The following MED12L variants were observed in gnomAD, a reference collection of about 807,000 sequenced individuals.
MED12L encodes the protein mediator complex subunit 12L, also known as mediator of RNA polymerase II transcription subunit 12-like protein.
MED12L carries 60 observed loss-of-function variants against 281.3 expected under a neutral mutation model. That is an observed-to-expected ratio of 0.21 (90% CI 0.17 to 0.26). MED12L has a LOEUF of 0.26. Ranked by LOEUF, MED12L falls within the 10% of genes least tolerant of loss-of-function variation. The pLI, the probability that MED12L is intolerant of heterozygous loss-of-function variation, is 1.00. For synonymous variants in MED12L, 974 were observed against 987.2 expected, an observed-to-expected ratio of 0.99 and a Z score of 0.25; for missense variants, 2,146 against 2,680.9, an observed-to-expected ratio of 0.80 and a Z score of 4.41.
chr3:151,368,689 TATTTCATTTCATTTCATTTC>T (rs1175917645), intron 25 of MED12L, among the ~76,000 whole-genome samples: 79 of 41,960 alleles, frequency 1.9e-3, no homozygotes, highest in African/African-American at 4.7e-3. Flanking sequence ...CATTTCATTT[TATTTCATTTCATTTCATTTC>T]ATTTCATTTC....
chr3:151,104,344 A>G (rs1311812073), intron 2 of MED12L, among the ~76,000 whole-genome samples: 1 of 152,202 alleles, frequency 6.6e-6, no homozygotes, highest in East Asian at 1.9e-4. Flanking sequence ...GCTTTCTCTT[A>G]TAAATATTTT....
chr3:151,400,152 A>G (rs1361239431), intron 39 of MED12L, among the ~76,000 whole-genome samples: 1 of 152,072 alleles, frequency 6.6e-6, no homozygotes, highest in African/African-American at 2.4e-5. Context: ...ACCCCTCACA[A>G]TATCGACATC....
At chr3:151,354,820 A>G (rs1560067958) in intron 17 of MED12L, among the ~76,000 whole-genome samples, 1 of 152,210 alleles carries the variant, frequency 6.6e-6, no homozygotes, top group Non-Finnish European at 1.5e-5. Flanking sequence ...TGTGGAAAGC[A>G]TATACTATAT....
chr3:151,307,121 A>T (rs748279164), intron 16 of MED12L, among the ~76,000 whole-genome samples: 3 of 152,216 alleles, frequency 2.0e-5, no homozygotes, highest in Non-Finnish European at 2.9e-5. Flanking sequence ...TGAAAGATAC[A>T]GGATCTCTTC....
intron 16 of MED12L, among the ~76,000 whole-genome samples, chr3:151,311,544 T>C (rs1747517562): frequency 6.6e-6 from 1 of 152,204 alleles, no homozygotes; most frequent in African/African-American, 2.4e-5. Context: ...TATAGGCATG[T>C]ACCGTTTTGA....
At chr3:151,287,410 G>C (rs1390511530) in intron 16 of MED12L, among the ~76,000 whole-genome samples, 1 of 152,166 alleles carries the variant, frequency 6.6e-6, no homozygotes, top group Non-Finnish European at 1.5e-5. Flanking sequence ...TCTGGGGGTG[G>C]AGTGGCAGGA....
chr3:151,257,353 T>A (rs908212554), intron 16 of MED12L, among the ~76,000 whole-genome samples: 2 of 152,238 alleles, frequency 1.3e-5, no homozygotes, highest in Admixed American at 1.3e-4. Flanking sequence ...TCCTGTTTTT[T>A]TAAATTGTTT....
intron 2 of MED12L, among the ~76,000 whole-genome samples, chr3:151,096,387 C>A (rs1720711398): frequency 6.6e-6 from 1 of 152,092 alleles, no homozygotes; most frequent in African/African-American, 2.4e-5. Flanking sequence ...GCCCCACACC[C>A]ACCCCCTTTT....
intron 16 of MED12L, among the ~76,000 whole-genome samples, chr3:151,253,915 G>A (rs1245595375): frequency 1.3e-5 from 2 of 151,810 alleles, no homozygotes; most frequent in Admixed American, 6.6e-5. Context: ...TAATCAGTGA[G>A]GACCTCCACT....
chr3:151,281,908 G>A (rs1312248215), intron 16 of MED12L, among the ~76,000 whole-genome samples: 1 of 152,188 alleles, frequency 6.6e-6, no homozygotes, highest in Non-Finnish European at 1.5e-5. Flanking sequence ...GTCTGTAACT[G>A]TTTCCAGTCA....
At chr3:151,339,748 C>T (rs1239681295) in intron 16 of MED12L, among the ~76,000 whole-genome samples, 1 of 151,134 alleles carries the variant, frequency 6.6e-6, no homozygotes, top group African/African-American at 2.4e-5. Context: ...GTAATGGTAG[C>T]TAAAATAAAA....
intron 16 of MED12L, among the ~76,000 whole-genome samples, chr3:151,252,228 T>C (rs1287496810): frequency 6.6e-6 from 1 of 152,188 alleles, no homozygotes; most frequent in Non-Finnish European, 1.5e-5. Context: ...CAACTAATAA[T>C]TTATTAGTAA....
rs1294228228 is a variant in MED12L at position 151,309,096 on chromosome 3, A to G, written c.2251-40963A>G. Among the ~76,000 whole-genome samples, 4 of 148,732 alleles carry G rather than the reference A, an allele frequency of 2.7e-5. No individual in the cohort carries two copies. In the East Asian group the frequency reaches 7.8e-4, roughly 29 times the overall value. The stretch of plus-strand genomic sequence containing the variant: ...GTAGTAAAAGGATCTGGGATCACAT[A>G]TAACTCATTTCATGAAATACACGCA... On this transcript the variant is annotated intron_variant, in intron 16 of 44. Transcript: ENST00000687756.
intron 16 of MED12L, among the ~76,000 whole-genome samples, chr3:151,320,128 T>C (rs998295716): frequency 2.0e-5 from 3 of 152,204 alleles, no homozygotes; most frequent in African/African-American, 2.4e-5. Flanking sequence ...CTTTTCTGCA[T>C]TGGTGTGGAC....
At chr3:151,190,609 TCCCCAGA>T in intron 13 of MED12L, 101 bp from the exon 14 acceptor site, 1 of 1,001,444 alleles carries the variant, frequency 1.0e-6, no homozygotes, top group Admixed American at 2.5e-5. Flanking sequence ...ATCTTTTTTT[TCCCCAGA>T]AAAGTTGATT....
chr3:151,294,656 C>CT, intron 16 of MED12L: 2 of 1,614,168 alleles, frequency 1.2e-6, no homozygotes, highest in Non-Finnish European at 1.7e-6. Flanking sequence ...CCCCAAAGGA[C>CT]TTTTAAGTTT....
intron 16 of MED12L, among the ~76,000 whole-genome samples, chr3:151,303,719 C>T (rs147249517): frequency 2.6e-5 from 4 of 152,226 alleles, no homozygotes; most frequent in South Asian, 2.1e-4. Flanking sequence ...GCTGAGATCA[C>T]GCCACTGCAC....
At chr3:151,335,494 A>G (rs1750860265) in intron 16 of MED12L, among the ~76,000 whole-genome samples, 1 of 152,236 alleles carries the variant, frequency 6.6e-6, no homozygotes, top group Admixed American at 6.5e-5. Context: ...AAAACTGTCA[A>G]TAACCAATAC....
intron 2 of MED12L, among the ~76,000 whole-genome samples, chr3:151,107,400 G>A (rs1337024068): frequency 6.6e-6 from 1 of 152,132 alleles, no homozygotes; most frequent in Non-Finnish European, 1.5e-5. Context: ...CCACTGTTAT[G>A]TGCTTTCTGA....
Sources: allele counts gnomAD v4.1 joint callset (sites outside exome capture counted in the v4.1 genomes callset), GRCh38; gene constraint gnomAD v4.1.1; transcripts MANE v1.5; gene names NCBI Gene and HGNC (gene_info 2026-07-23, HGNC 2026-07-21).